The following ULK4 variants were observed in gnomAD, a reference collection of about 807,000 sequenced individuals.
ULK4 encodes inactive serine/threonine-protein kinase ULK4.
A neutral mutation model predicts 160.6 loss-of-function variants in ULK4; 133 were observed. The observed-to-expected ratio is 0.83, with a 90% CI of 0.72 to 0.96. The LOEUF (loss-of-function observed/expected upper bound fraction) is 0.96, where lower values mean the gene tolerates loss of function less well. ULK4 is among the 40% of genes least tolerant of loss of function. ULK4 has a pLI of 0.00. For missense variants in ULK4, 1,580 were observed against 1,499.5 expected (o/e 1.05, Z -0.89); for synonymous variants, 534 against 539.8 (o/e 0.99, Z 0.15).
At chr3:41,457,323 T>A (rs2125873397) in intron 33 of ULK4, among the ~76,000 whole-genome samples, 1 of 152,194 alleles carries the variant, frequency 6.6e-6, no homozygotes, top group East Asian at 1.9e-4. Flanking sequence ...CACCAGGATG[T>A]CCCATGGTCC....
At position 41,831,253 on chromosome 3, in the gene ULK4, A is replaced by G. The variant is rs2041572123; in HGVS notation, c.1764+4611T>C. Among the ~76,000 whole-genome samples, 2 of 151,972 alleles carry G rather than the reference A, an allele frequency of 1.3e-5. 1 individual carries two copies. The highest frequency in any genetic ancestry group is 4.1e-4 in the South Asian group (2 of 4,820). Reference sequence around the variant, plus strand: ...GTTGACCAGGGCGGTCTCAAACTCCAGGGCTCAAGAGATCCTCCTGCCTTG... The same window carrying G: ...GTTGACCAGGGCGGTCTCAAACTCCGGGGCTCAAGAGATCCTCCTGCCTTG... On this transcript the variant is annotated intron_variant, in intron 18 of 36. Transcript: ENST00000301831.
At chr3:41,817,961 C>T (rs750367603) in intron 19 of ULK4, among the ~76,000 whole-genome samples, 5 of 151,774 alleles carry the variant, frequency 3.3e-5, no homozygotes, top group Admixed American at 2.6e-4. Context: ...AAATCAAAAC[C>T]GCAATAAGAT....
intron 25 of ULK4, among the ~76,000 whole-genome samples, chr3:41,707,195 A>G (rs983994620): frequency 1.3e-5 from 2 of 152,184 alleles, no homozygotes; most frequent in African/African-American, 4.8e-5. Context: ...CAAGCTATAC[A>G]TAGTTCATAC....
At chr3:41,368,132 CT>C (rs1443602140) in intron 35 of ULK4, among the ~76,000 whole-genome samples, 1 of 151,926 alleles carries the variant, frequency 6.6e-6, no homozygotes, top group Non-Finnish European at 1.5e-5. Flanking sequence ...ACTGCAACCT[CT>C]GCCTCTGGGG....
intron 32 of ULK4, among the ~76,000 whole-genome samples, chr3:41,557,255 CCAAGA>C (rs540873578): frequency 7.1e-4 from 108 of 151,934 alleles, no homozygotes; most frequent in Non-Finnish European, 1.2e-3. Flanking sequence ...TCAGACAAAT[CCAAGA>C]CATCTACCCC....
intron 22 of ULK4, among the ~76,000 whole-genome samples, chr3:41,749,349 G>A (rs927259442): frequency 6.6e-5 from 10 of 152,054 alleles, no homozygotes; most frequent in African/African-American, 1.4e-4. Context: ...CAGGCATGGC[G>A]GCATGCACCT....
rs139057755 is a variant in ULK4 at position 41,408,022 on chromosome 3, T to C, written c.3493-9758A>G. On this transcript the variant is annotated intron_variant, in intron 34 of 36. Transcript: ENST00000301831. ...TATGAGATCGATATACAAAAATCAA[T>C]TGTATTTCTATACACTAACAATGAA... is the stretch of plus-strand genomic sequence containing the variant. Among the ~76,000 whole-genome samples the C allele has an allele frequency of 4.6e-4, 70 of 152,234 alleles. No individual in the cohort carries two copies. In the East Asian group the frequency reaches 0.013, roughly 28 times the overall value.
In ULK4 at chr3:41,856,450, A is replaced by C. The variant is rs1408254916; in HGVS notation, c.1657-20479T>G. On this transcript the variant is annotated intron_variant, in intron 17 of 36. Transcript: ENST00000301831. The stretch of plus-strand genomic sequence containing the variant: ...AGTGTACAAAACAACTAAGAAAACT[A>C]CACCAAAGCAGGAATGGGATACAAA... Among the ~76,000 whole-genome samples the C allele has an allele frequency of 2.7e-5, 4 of 148,870 alleles. No individual in the cohort carries two copies. The Admixed American group carries it at 2.7e-4, about 10-fold the overall frequency.
intron 34 of ULK4, among the ~76,000 whole-genome samples, chr3:41,434,455 T>C (rs1294795540): frequency 1.3e-5 from 2 of 152,214 alleles, no homozygotes; most frequent in Admixed American, 6.5e-5. Flanking sequence ...CATATACATA[T>C]AATTGTAAAA....
At chr3:41,283,723 A>G (rs1479793226) in intron 35 of ULK4, among the ~76,000 whole-genome samples, 1 of 152,048 alleles carries the variant, frequency 6.6e-6, no homozygotes, top group Non-Finnish European at 1.5e-5. Context: ...CAGCAAATCA[A>G]CATGGCACAT....
intron 17 of ULK4, among the ~76,000 whole-genome samples, chr3:41,855,190 A>G (rs768483932): frequency 7.0e-6 from 1 of 142,722 alleles, no homozygotes; most frequent in Non-Finnish European, 1.5e-5. Flanking sequence ...CTTCTTACCA[A>G]TATAGGGTAC....
At chr3:41,450,806 T>C (rs1388936905) in intron 34 of ULK4, among the ~76,000 whole-genome samples, 1 of 152,238 alleles carries the variant, frequency 6.6e-6, no homozygotes, top group Non-Finnish European at 1.5e-5. Flanking sequence ...TGTGTTAATC[T>C]TTTCCAGAGA....
chr3:41,275,406 G>C (rs749222830), intron 35 of ULK4, among the ~76,000 whole-genome samples: 1 of 152,150 alleles, frequency 6.6e-6, no homozygotes, highest in Non-Finnish European at 1.5e-5. Context: ...TGATATTTAG[G>C]TGATTTTGAA....
At chr3:41,864,314 G>A (rs1183215522) in intron 17 of ULK4, among the ~76,000 whole-genome samples, 3 of 151,706 alleles carry the variant, frequency 2.0e-5, no homozygotes, top group Non-Finnish European at 1.5e-5. Context: ...CTGCTAGGGC[G>A]GGGATCAGGG....
chr3:41,316,611 T>C (rs1044904215), intron 35 of ULK4, among the ~76,000 whole-genome samples: 2 of 152,160 alleles, frequency 1.3e-5, no homozygotes, highest in South Asian at 2.1e-4. Context: ...TGTGTATTAC[T>C]AGAAGAGGGA....
At chr3:41,343,087 G>A (rs2080720610) in intron 35 of ULK4, among the ~76,000 whole-genome samples, 1 of 152,090 alleles carries the variant, frequency 6.6e-6, no homozygotes, top group African/African-American at 2.4e-5. Context: ...GGCAAAAGCT[G>A]AAAGCATTCC....
intron 19 of ULK4, among the ~76,000 whole-genome samples, chr3:41,815,643 AG>A (rs1378055619): frequency 6.6e-6 from 1 of 152,146 alleles, no homozygotes; most frequent in Non-Finnish European, 1.5e-5. Context: ...TGCCCTCCTC[AG>A]ATCAGTGGGG....
chr3:41,487,172 AAAT>A (rs75421978), intron 32 of ULK4, among the ~76,000 whole-genome samples: 37,948 of 151,936 alleles, frequency 0.25, 4,934 homozygotes, highest in South Asian at 0.3. Flanking sequence ...AGACCTATGC[AAAT>A]AATAATATAA....
chr3:41,866,100 A>C (rs1310098302), intron 17 of ULK4, among the ~76,000 whole-genome samples: 1 of 152,122 alleles, frequency 6.6e-6, no homozygotes, highest in Non-Finnish European at 1.5e-5. Context: ...GGGAGATAAC[A>C]GTCAAAACTC....
Sources: gnomAD v4.1 joint callset for allele counts (sites outside exome capture counted in the v4.1 genomes callset) on GRCh38, gnomAD v4.1.1 for gene constraint, MANE v1.5 for transcripts, NCBI Gene and HGNC (gene_info 2026-07-23, HGNC 2026-07-21) for gene names.